Variants in DLGAP2 observed in about 807,000 individuals in gnomAD.
DLGAP2 encodes disks large-associated protein 2.
A neutral mutation model predicts 100.3 loss-of-function variants in DLGAP2; 26 were observed. The ratio of observed to expected loss-of-function variants is 0.26; its 90% CI spans 0.19 to 0.36. The LOEUF is 0.36. Ranked by LOEUF, DLGAP2 falls within the 10% of genes least tolerant of loss-of-function variation. The pLI is 1.00. For synonymous variants in DLGAP2, 886 were observed against 630.1 expected, an observed-to-expected ratio of 1.41 and a Z score of -6.08; for missense variants, 1,858 against 1,453.2, an observed-to-expected ratio of 1.28 and a Z score of -4.53.
chr8:979,122 A>C (rs924043162), intron 2 of DLGAP2, among the ~76,000 whole-genome samples: 3 of 152,200 alleles, frequency 2.0e-5, no homozygotes, highest in Non-Finnish European at 2.9e-5. Flanking sequence ...TGGCGAGTGC[A>C]GTTCTTGAAT....
rs760605890 is a variant in DLGAP2, at chr8:1,668,622, C to A, written c.2104C>A (p.Leu702Met). Residue 702 changes from leucine (L) to methionine (M), a missense_variant, in exon 9 of 15, where the codon CTG (leucine) becomes ATG (methionine). Physicochemically the swap from Leu to Met is conservative, Grantham distance 15. Coordinates refer to ENST00000637795, the MANE Select transcript of DLGAP2 (RefSeq NM_001346810.2). ...SSVRTSDKAI[L>M]VSKAEELLKS... ...TGTGCGGACCAGCGACAAGGCCATC[C>A]TGGTGTCCAAGGCGGAGGAGCTCCT... 4 of 1,599,974 alleles carry A rather than the reference C, an allele frequency of 2.5e-6. No individual in the cohort carries two copies. In the East Asian group the frequency reaches 9.1e-5, roughly 36 times the overall value.
chr8:1,372,206 T>G (rs971264696), intron 3 of DLGAP2, among the ~76,000 whole-genome samples: 1 of 87,670 alleles, frequency 1.1e-5, no homozygotes, highest in Non-Finnish European at 2.7e-5. Context: ...GTCACCGTGC[T>G]GCCAACGCTG....
chr8:1,438,760 T>C (rs1797733032), intron 3 of DLGAP2, among the ~76,000 whole-genome samples: 1 of 152,204 alleles, frequency 6.6e-6, no homozygotes, highest in Non-Finnish European at 1.5e-5. Context: ...ATTCTTAGAA[T>C]GGAGGCGGCA....
In DLGAP2 at chr8:901,989, C is replaced by T. The variant is rs537221422; in HGVS notation, c.19-5923C>T. On this transcript the variant is annotated intron_variant, in intron 1 of 14. Transcript: ENST00000637795. ...GGGAGCCGTGCAACCCCCACTGGAC[C>T]CCACCTGTGAGGTTCTGTGGTCAGG... Among the ~76,000 whole-genome samples, 4 of 152,278 alleles carry T rather than the reference C, an allele frequency of 2.6e-5. No individual in the cohort carries two copies. The South Asian group carries it at 8.3e-4, about 32-fold the overall frequency.
At chr8:1,195,077 G>A (rs1184081702) in intron 2 of DLGAP2, among the ~76,000 whole-genome samples, 1 of 152,262 alleles carries the variant, frequency 6.6e-6, no homozygotes, top group African/African-American at 2.4e-5. Flanking sequence ...GAGTGCTCAA[G>A]CTCTTTCCAG....
chr8:946,010 C>T (rs1799309767), intron 2 of DLGAP2, among the ~76,000 whole-genome samples: 1 of 152,132 alleles, frequency 6.6e-6, no homozygotes, highest in East Asian at 1.9e-4. Flanking sequence ...TGCATGGTCT[C>T]TGGGGGGTTG....
chr8:1,103,914 G>A (rs939996173), intron 2 of DLGAP2, among the ~76,000 whole-genome samples: 1 of 152,250 alleles, frequency 6.6e-6, no homozygotes, highest in African/African-American at 2.4e-5. Context: ...TGCCACTGTT[G>A]AGTTGGCCTT....
intron 2 of DLGAP2, among the ~76,000 whole-genome samples, chr8:1,176,490 G>C (rs773735163): frequency 6.6e-6 from 1 of 152,216 alleles, no homozygotes; most frequent in Non-Finnish European, 1.5e-5. Flanking sequence ...GAGCATTACA[G>C]CCAGAAGGAA....
intron 4 of DLGAP2, among the ~76,000 whole-genome samples, chr8:1,529,708 C>A (rs1227874730): frequency 1.3e-5 from 2 of 152,190 alleles, no homozygotes; most frequent in Non-Finnish European, 2.9e-5. Context: ...ACTCTTTGAA[C>A]AGACACTTAT....
chr8:1,160,362 G>C (rs546927777), intron 2 of DLGAP2, among the ~76,000 whole-genome samples: 1 of 152,106 alleles, frequency 6.6e-6, no homozygotes, highest in Non-Finnish European at 1.5e-5. Flanking sequence ...CCCCAAACTC[G>C]GGGCAAGGAA....
intron 2 of DLGAP2, among the ~76,000 whole-genome samples, chr8:998,847 G>A (rs1800861341): frequency 6.6e-6 from 1 of 152,072 alleles, no homozygotes; most frequent in South Asian, 2.1e-4. Flanking sequence ...TATATTTTGG[G>A]GGAACTGGAA....
intron 2 of DLGAP2, among the ~76,000 whole-genome samples, chr8:1,233,913 T>C (rs550222745): frequency 6.6e-6 from 1 of 152,302 alleles, no homozygotes; most frequent in African/African-American, 2.4e-5. Context: ...ATAATTGTAA[T>C]GGTATTAATG....
chr8:1,337,062 G>T (rs896981783), intron 3 of DLGAP2, among the ~76,000 whole-genome samples: 5 of 152,164 alleles, frequency 3.3e-5, no homozygotes, highest in African/African-American at 1.2e-4. Flanking sequence ...TAATGACAGT[G>T]TGTGACATGA....
chr8:1,214,349 C>T (rs1338057764), intron 2 of DLGAP2, among the ~76,000 whole-genome samples: 1 of 152,214 alleles, frequency 6.6e-6, no homozygotes, highest in African/African-American at 2.4e-5. Context: ...CCGTGAGCAG[C>T]CCAGGGTGCT....
At chr8:1,497,922 C>T (rs572822746) in intron 3 of DLGAP2, among the ~76,000 whole-genome samples, 4 of 152,222 alleles carry the variant, frequency 2.6e-5, no homozygotes, top group Non-Finnish European at 4.4e-5. Context: ...ACCCACAGCC[C>T]GTGGCACAGC....
intron 2 of DLGAP2, among the ~76,000 whole-genome samples, chr8:1,173,827 C>T (rs561365001): frequency 8.5e-4 from 129 of 152,344 alleles, no homozygotes; most frequent in African/African-American, 2.9e-3. Context: ...TGACCCATTG[C>T]GCTTCCTGAG....
chr8:821,175 G>A (rs1030274832), intron 1 of DLGAP2, among the ~76,000 whole-genome samples: 7 of 152,288 alleles, frequency 4.6e-5, no homozygotes, highest in Admixed American at 2.0e-4. Context: ...TTTACATGGC[G>A]TTAACTAACT....
intron 2 of DLGAP2, among the ~76,000 whole-genome samples, chr8:1,124,813 G>A (rs1796128686): frequency 6.6e-6 from 1 of 152,118 alleles, no homozygotes; most frequent in African/African-American, 2.4e-5. Context: ...TCGTTTTAGT[G>A]GGTAGAAGCC....
chr8:1,177,008 G>T (rs185246927), intron 2 of DLGAP2, among the ~76,000 whole-genome samples: 5 of 152,214 alleles, frequency 3.3e-5, no homozygotes, highest in African/African-American at 1.2e-4. Flanking sequence ...ACTGGGAAAA[G>T]TCAGTCCTTG....
Sources: allele counts gnomAD v4.1 joint callset (sites outside exome capture counted in the v4.1 genomes callset), GRCh38; gene constraint gnomAD v4.1.1; transcripts MANE v1.5; gene names NCBI Gene and HGNC (gene_info 2026-07-23, HGNC 2026-07-21).